The following DPP10 variants were observed in gnomAD, a reference collection of about 807,000 sequenced individuals.
DPP10 encodes the protein dipeptidyl peptidase like 10, also known as inactive dipeptidyl peptidase 10.
Under a neutral mutation model 120.9 loss-of-function variants are expected in DPP10, and 33 were observed. The ratio of observed to expected loss-of-function variants is 0.27; its 90% CI spans 0.21 to 0.37. The LOEUF (loss-of-function observed/expected upper bound fraction) is 0.37, where lower values mean the gene tolerates loss of function less well. DPP10 is among the 10% of genes least tolerant of loss of function. The probability of loss-of-function intolerance (pLI) is 1.00; values close to 1 mark genes in which losing one functional copy is unlikely to be tolerated. For missense variants in DPP10, 816 were observed against 942.8 expected (o/e 0.87, Z 1.76); for synonymous variants, 337 against 326.1 (o/e 1.03, Z -0.36).
chr2:114,880,247 C>A (rs1691497150), intron 1 of DPP10, among the ~76,000 whole-genome samples: 1 of 152,124 alleles, frequency 6.6e-6, no homozygotes. Context: ...GTGCTGTTTG[C>A]AAAACAACCA....
chr2:114,759,764 C>T lies in DPP10; in HGVS notation c.60+316926C>T, dbSNP rs189983536. ...CAAAATGAGAATTCCCAAGTATATG[C>T]GATTAGACAGAGCCTGGAAAATTGC... On this transcript the variant is annotated intron_variant, in intron 1 of 25. Transcript: ENST00000410059. Among the ~76,000 whole-genome samples, 436 of 133,700 alleles carry T rather than the reference C, an allele frequency of 3.3e-3. 2 individuals are homozygous for T. The highest frequency in any genetic ancestry group is 0.012 in the African/African-American group (403 of 34,900). The allele number at this position is 133,700 out of a possible 152,430, so 87.7% of individuals were successfully genotyped here. A position where few individuals can be genotyped will look rare whatever the true frequency, so the allele number is the denominator to read the frequency against.
chr2:115,351,066 C>T (rs914714900), intron 3 of DPP10, among the ~76,000 whole-genome samples: 2 of 152,062 alleles, frequency 1.3e-5, no homozygotes, highest in African/African-American at 2.4e-5. Context: ...AAGACCCATA[C>T]ATTTGCATGT....
chr2:115,629,880 C>A (rs534948511), intron 5 of DPP10, among the ~76,000 whole-genome samples: 9 of 152,090 alleles, frequency 5.9e-5, no homozygotes, highest in East Asian at 3.9e-4. Flanking sequence ...CTTGGCTATG[C>A]GGGCTCTTTT....
chr2:115,213,846 A>G (rs530039657), intron 1 of DPP10, among the ~76,000 whole-genome samples: 1 of 152,264 alleles, frequency 6.6e-6, no homozygotes, highest in Non-Finnish European at 1.5e-5. Context: ...TTATTTCAGT[A>G]CCTACTACAA....
chr2:114,763,710 C>T (rs1351013320), intron 1 of DPP10, among the ~76,000 whole-genome samples: 1 of 152,176 alleles, frequency 6.6e-6, no homozygotes, highest in Non-Finnish European at 1.5e-5. Flanking sequence ...TTATAATGCA[C>T]ATATCCCAGT....
Position 115,575,225 on chromosome 2 carries a change from T to C in DPP10, c.441+49253T>C, listed in dbSNP as rs1479765249. ...ACCTCAGGCATCAAACTGTTCATAG[T>C]CAGATTTAGAGGAAATCAATAAATA... On this transcript the variant is annotated intron_variant, in intron 5 of 25. Coordinates refer to ENST00000410059, the MANE Select transcript of DPP10 (RefSeq NM_020868.6). Among the ~76,000 whole-genome samples, 4 of 152,342 alleles carry C rather than the reference T, an allele frequency of 2.6e-5. No individual in the cohort carries two copies. In the East Asian group the frequency reaches 7.7e-4, roughly 29 times the overall value.
intron 19 of DPP10, among the ~76,000 whole-genome samples, chr2:115,798,749 A>C (rs1443475467): frequency 1.3e-5 from 2 of 152,170 alleles, no homozygotes; most frequent in Non-Finnish European, 2.9e-5. Context: ...ATTGTTATTA[A>C]TATAGTAAAG....
chr2:115,808,063 C>T (rs1277622880), intron 19 of DPP10, among the ~76,000 whole-genome samples: 1 of 152,108 alleles, frequency 6.6e-6, no homozygotes, highest in Non-Finnish European at 1.5e-5. Context: ...TATGAAGAAG[C>T]TCGTAAGATA....
intron 7 of DPP10, among the ~76,000 whole-genome samples, chr2:115,717,749 G>T (rs989839854): frequency 3.3e-5 from 5 of 152,270 alleles, no homozygotes; most frequent in Admixed American, 3.3e-4. Context: ...GCTGCAACTG[G>T]AAGCCACGTG....
chr2:114,861,230 C>T (rs1487634784), intron 1 of DPP10, among the ~76,000 whole-genome samples: 1 of 152,176 alleles, frequency 6.6e-6, no homozygotes, highest in East Asian at 1.9e-4. Context: ...TGTACCCCTC[C>T]CTTCTTAGCA....
chr2:114,897,364 C>T (rs1169150582), intron 1 of DPP10, among the ~76,000 whole-genome samples: 1 of 152,112 alleles, frequency 6.6e-6, no homozygotes, highest in Non-Finnish European at 1.5e-5. Context: ...TCCATCTGGT[C>T]CTGGACGTTA....
At chr2:114,770,043 C>T (rs1026062256) in intron 1 of DPP10, among the ~76,000 whole-genome samples, 1 of 152,158 alleles carries the variant, frequency 6.6e-6, no homozygotes, top group Non-Finnish European at 1.5e-5. Flanking sequence ...AGCCTAATCC[C>T]ATGTGCACAG....
chr2:114,813,687 T>G (rs1685373225), intron 1 of DPP10, among the ~76,000 whole-genome samples: 1 of 152,030 alleles, frequency 6.6e-6, no homozygotes, highest in Non-Finnish European at 1.5e-5. Context: ...CCATTGTCTT[T>G]GGCAGAAGCA....
intron 3 of DPP10, among the ~76,000 whole-genome samples, chr2:115,355,705 T>G (rs2064335139): frequency 6.6e-6 from 1 of 152,244 alleles, no homozygotes; most frequent in Non-Finnish European, 1.5e-5. Context: ...TATTTAAGTC[T>G]TAAATCCATC....
chr2:114,470,688 G>A (rs1679832852), intron 1 of DPP10, among the ~76,000 whole-genome samples: 1 of 152,188 alleles, frequency 6.6e-6, no homozygotes, highest in Admixed American at 6.5e-5. Flanking sequence ...CTATATTCAT[G>A]TATGTGCTAT....
chr2:114,566,407 C>T (rs1163949551), intron 1 of DPP10, among the ~76,000 whole-genome samples: 5 of 152,134 alleles, frequency 3.3e-5, no homozygotes, highest in Non-Finnish European at 5.9e-5. Context: ...AAGAAAGTTG[C>T]AAAGAGAGTG....
chr2:115,315,857 T>C (rs1421269849), intron 2 of DPP10, among the ~76,000 whole-genome samples: 1 of 152,156 alleles, frequency 6.6e-6, no homozygotes, highest in Non-Finnish European at 1.5e-5. Context: ...TGGATTGTTG[T>C]TGCTTTTTTA....
At chr2:115,638,930 C>T (rs942153231) in intron 5 of DPP10, among the ~76,000 whole-genome samples, 1 of 152,130 alleles carries the variant, frequency 6.6e-6, no homozygotes, top group South Asian at 2.1e-4. Context: ...TTTCCTGAAG[C>T]GCTGACTCAG....
chr2:114,800,131 T>A (rs973496889), intron 1 of DPP10, among the ~76,000 whole-genome samples: 1 of 152,194 alleles, frequency 6.6e-6, no homozygotes, highest in African/African-American at 2.4e-5. Context: ...ACATGGTATG[T>A]GGCTATACAC....
Sources: allele counts gnomAD v4.1 joint callset (sites outside exome capture counted in the v4.1 genomes callset), GRCh38; gene constraint gnomAD v4.1.1; transcripts MANE v1.5; gene names NCBI Gene and HGNC (gene_info 2026-07-23, HGNC 2026-07-21).